Variants in SAMTOR observed in about 807,000 individuals in gnomAD.
The protein encoded by SAMTOR is UPF0532 protein C7orf60.
chr7:112,865,275 C>A, the SAMTOR span, among the ~76,000 whole-genome samples: 1 of 151,776 alleles, frequency 6.6e-6, no homozygotes. Context: ...ACAGCAAGAC[C>A]CCCCATCTCT....
chr7:112,837,134 T>C, the SAMTOR span, among the ~76,000 whole-genome samples: 1 of 152,034 alleles, frequency 6.6e-6, no homozygotes, highest in East Asian at 1.9e-4. Flanking sequence ...TTGCAATTCT[T>C]GTTGCAGAGA....
the SAMTOR span, among the ~76,000 whole-genome samples, chr7:112,831,907 A>G: frequency 9.2e-5 from 14 of 152,226 alleles, no homozygotes; most frequent in South Asian, 2.1e-4. Context: ...ACAACACTGT[A>G]TATTTCAGAA....
the SAMTOR span, among the ~76,000 whole-genome samples, chr7:112,906,411 G>A: frequency 2.6e-5 from 4 of 152,108 alleles, no homozygotes; most frequent in Admixed American, 2.6e-4. Context: ...ATAAACAGAA[G>A]GGAAGGGGAC....
chr7:112,862,395 G>T, the SAMTOR span, among the ~76,000 whole-genome samples: 1 of 152,280 alleles, frequency 6.6e-6, no homozygotes, highest in Admixed American at 6.5e-5. Flanking sequence ...ACTTAATCAT[G>T]AGATTGGCAC....
chr7:112,821,891 G>T, the SAMTOR span: 1 of 1,613,410 alleles, frequency 6.2e-7, no homozygotes. Flanking sequence ...ATCGAACATA[G>T]CAGGAAGGGT....
At chr7:112,922,359 G>T in the SAMTOR span, among the ~76,000 whole-genome samples, 1 of 152,220 alleles carries the variant, frequency 6.6e-6, no homozygotes, top group East Asian at 1.9e-4. Context: ...CGAGATTGCA[G>T]CCTCTGCCCA....
the SAMTOR span, chr7:112,939,705 C>G: frequency 6.2e-7 from 1 of 1,610,726 alleles, no homozygotes; most frequent in African/African-American, 1.3e-5. Flanking sequence ...GGGGACCCGG[C>G]CCTCTGCGCA....
chr7:112,857,343 G>A, the SAMTOR span, among the ~76,000 whole-genome samples: 7 of 147,036 alleles, frequency 4.8e-5, no homozygotes, highest in African/African-American at 7.9e-5. Flanking sequence ...CACCCGCCTC[G>A]GCCTCCCAAA....
At chr7:112,902,458 A>AAAAC in the SAMTOR span, among the ~76,000 whole-genome samples, 1 of 146,850 alleles carries the variant, frequency 6.8e-6, no homozygotes, top group Non-Finnish European at 1.5e-5. Context: ...ACAAAAAAAA[A>AAAAC]AACCAAAAAA....
chr7:112,846,264 T>C, the SAMTOR span, among the ~76,000 whole-genome samples: 1 of 150,470 alleles, frequency 6.6e-6, no homozygotes, highest in South Asian at 2.1e-4. Flanking sequence ...CTTAGCAAAC[T>C]AATGCAGAAA....
At chr7:112,915,715 TAAC>T in the SAMTOR span, among the ~76,000 whole-genome samples, 18 of 152,366 alleles carry the variant, frequency 1.2e-4, no homozygotes, top group African/African-American at 4.3e-4. Context: ...AAATGAATGA[TAAC>T]AGATTTGTGA....
the SAMTOR span, among the ~76,000 whole-genome samples, chr7:112,850,864 A>C: frequency 6.6e-6 from 1 of 152,216 alleles, no homozygotes; most frequent in African/African-American, 2.4e-5. Flanking sequence ...ACTTTTGTTT[A>C]ATAAGTGACT....
chr7:112,829,406 A>G, the SAMTOR span, among the ~76,000 whole-genome samples: 1 of 152,180 alleles, frequency 6.6e-6, no homozygotes, highest in Non-Finnish European at 1.5e-5. Context: ...ACATATAAGG[A>G]AAGAATATAA....
chr7:112,908,502 C>A, the SAMTOR span, among the ~76,000 whole-genome samples: 699 of 152,230 alleles, frequency 4.6e-3, 6 homozygotes, highest in South Asian at 7.9e-3. Flanking sequence ...TTCTTTATAA[C>A]AAATCTTACT....
At chr7:112,820,825 C>T in the SAMTOR span, 2 of 152,004 alleles carry the variant, frequency 1.3e-5, no homozygotes, top group Non-Finnish European at 2.9e-5. Context: ...TGCGGCACCT[C>T]CTTAACGGAA....
chr7:112,922,053 C>G, the SAMTOR span, among the ~76,000 whole-genome samples: 3 of 152,136 alleles, frequency 2.0e-5, no homozygotes, highest in Non-Finnish European at 4.4e-5. Flanking sequence ...TGCAACCTCC[C>G]TGCCTGATTC....
chr7:112,933,013 A>G, the SAMTOR span, among the ~76,000 whole-genome samples: 1 of 152,206 alleles, frequency 6.6e-6, no homozygotes, highest in Non-Finnish European at 1.5e-5. Flanking sequence ...AGAAAATTTT[A>G]CTTGAATTGG....
chr7:112,939,862 G>A, the SAMTOR span: 4 of 815,534 alleles, frequency 4.9e-6, no homozygotes, highest in South Asian at 3.4e-5. Flanking sequence ...AGGAGGCAGA[G>A]GAACCGGAGC....
chr7:112,827,682 A>G, the SAMTOR span, among the ~76,000 whole-genome samples: 1 of 152,104 alleles, frequency 6.6e-6, no homozygotes, highest in Non-Finnish European at 1.5e-5. Context: ...ATGTAATGTT[A>G]TGTAAATAGT....
Sources: gnomAD v4.1 joint callset for allele counts (sites outside exome capture counted in the v4.1 genomes callset) on GRCh38, gnomAD v4.1.1 for gene constraint, MANE v1.5 for transcripts, NCBI Gene and HGNC (gene_info 2026-07-23, HGNC 2026-07-21) for gene names.